The following UGT1A6 variants were observed in gnomAD, a reference collection of about 807,000 sequenced individuals.
UGT1A6 encodes the protein UDP glucuronosyltransferase family 1 member A6.
A neutral mutation model predicts 44.4 loss-of-function variants in UGT1A6; 32 were observed. The observed-to-expected ratio is 0.72, with a 90% confidence interval of 0.54 to 0.97. The LOEUF (loss-of-function observed/expected upper bound fraction) is 0.97. Among genes scored for constraint, UGT1A6 ranks in the 50% least tolerant of loss-of-function variants. The pLI, the probability that UGT1A6 is intolerant of heterozygous loss-of-function variation, is 0.00. For missense variants in UGT1A6, 685 were observed against 661.9 expected (o/e 1.03, Z -0.38); for synonymous variants, 238 against 248.5 (o/e 0.96, Z 0.40).
At chr2:233,734,961 G>T (rs2078591485) in intron 1 of UGT1A6, among the ~76,000 whole-genome samples, 1 of 152,202 alleles carries the variant, frequency 6.6e-6, no homozygotes, top group South Asian at 2.1e-4. Flanking sequence ...GAATAAGTGT[G>T]ATGTGGTGCT....
chr2:233,754,256 G>T (rs1695431509), intron 1 of UGT1A6: 1 of 171,288 alleles, frequency 5.8e-6, no homozygotes, highest in Admixed American at 5.6e-5. Flanking sequence ...AACGGAAAAA[G>T]GTAAGGCTCA....
chr2:233,705,103 G>A (rs1056170321), intron 1 of UGT1A6, among the ~76,000 whole-genome samples: 8 of 150,714 alleles, frequency 5.3e-5, no homozygotes, highest in Non-Finnish European at 1.2e-4. Flanking sequence ...GCCATTGCAC[G>A]CCAGCCTGGG....
At chr2:233,712,938 T>A (rs985876029) in intron 1 of UGT1A6, 1 of 1,612,346 alleles carries the variant, frequency 6.2e-7, no homozygotes. Context: ...AAGGAAACAA[T>A]TCTAGGAGGC....
At chr2:233,754,955 G>T in intron 1 of UGT1A6, 1 of 1,314,366 alleles carries the variant, frequency 7.6e-7, no homozygotes, top group Non-Finnish European at 1.0e-6. Context: ...GGTCCCGGCC[G>T]CCAAAGAACT....
chr2:233,716,223 G>A (rs907028854), intron 1 of UGT1A6, among the ~76,000 whole-genome samples: 4 of 152,088 alleles, frequency 2.6e-5, no homozygotes, highest in African/African-American at 9.7e-5. Flanking sequence ...AAGAGCCCTT[G>A]TGATTACATT....
chr2:233,724,277 C>A (rs1162056701), intron 1 of UGT1A6, among the ~76,000 whole-genome samples: 1 of 115,790 alleles, frequency 8.6e-6, no homozygotes, highest in African/African-American at 3.3e-5. Context: ...GGCGGCTGGC[C>A]GGGCGGGGGG....
intron 1 of UGT1A6, among the ~76,000 whole-genome samples, chr2:233,718,425 G>A (rs963239673): frequency 6.6e-6 from 1 of 152,218 alleles, no homozygotes; most frequent in African/African-American, 2.4e-5. Context: ...GAGAACATGT[G>A]GTTGGGGACT....
chr2:233,722,619 T>G (rs1335321752), intron 1 of UGT1A6, among the ~76,000 whole-genome samples: 2 of 152,244 alleles, frequency 1.3e-5, no homozygotes. Context: ...TGATTTTTCT[T>G]AATGAAGCAT....
At chr2:233,742,031 C>T (rs1309709104) in intron 1 of UGT1A6, 1 of 151,878 alleles carries the variant, frequency 6.6e-6, no homozygotes, top group African/African-American at 2.4e-5. Context: ...TTTGATATGT[C>T]CCAAGCATAG....
At chr2:233,752,001 G>A (rs960464465) in intron 1 of UGT1A6, among the ~76,000 whole-genome samples, 26 of 152,178 alleles carry the variant, frequency 1.7e-4, no homozygotes, top group Admixed American at 1.3e-3. Flanking sequence ...TGAGAAAGTT[G>A]ATGAGAAAGT....
chr2:233,719,487 A>G lies in UGT1A6; in HGVS notation c.861+25622A>G, dbSNP rs138822211. ...GCTCTACCCTCTGGCCCTGTCCTAC[A>G]TTTGCCATACTTTTTCTGCCCCTTA... On this transcript the variant is annotated intron_variant, in intron 1 of 4. Transcript: ENST00000305139. 1.2e-5 allele frequency: 20 copies of G among 1,613,508 alleles called. No individual in the cohort carries two copies. In the African/African-American group the frequency reaches 2.7e-4, roughly 22 times the overall value.
At chr2:233,695,415 C>T (rs1344704193) in intron 1 of UGT1A6, among the ~76,000 whole-genome samples, 5 of 144,208 alleles carry the variant, frequency 3.5e-5, no homozygotes, top group African/African-American at 7.6e-5. Context: ...TGAGCTACCG[C>T]GCCCGGCCTT....
At chr2:233,737,822 A>G (rs1690601410) in intron 1 of UGT1A6, among the ~76,000 whole-genome samples, 1 of 152,126 alleles carries the variant, frequency 6.6e-6, no homozygotes, top group African/African-American at 2.4e-5. Flanking sequence ...GGAGCAGAAC[A>G]AATTGGGAAC....
In UGT1A6 at chr2:233,703,925, C is replaced by G. The variant is rs576814000; in HGVS notation, c.861+10060C>G. Among the ~76,000 whole-genome samples, 290 of 151,880 alleles carry G rather than the reference C, an allele frequency of 1.9e-3. 2 individuals carry two copies. Among genetic ancestry groups the G allele is most frequent in the African/African-American group, 6.7e-3 (277 of 41,416 alleles). ...TTTTTTTTTGAGACAAAATCTCATT[C>G]TGTTACCCAGACTGGAGTGCAGTGG... On this transcript the variant is annotated intron_variant, in intron 1 of 4. Coordinates refer to ENST00000305139, the MANE Select transcript of UGT1A6 (RefSeq NM_001072.4).
chr2:233,757,203 C>G (rs1377755692), intron 1 of UGT1A6, among the ~76,000 whole-genome samples: 1 of 149,926 alleles, frequency 6.7e-6, no homozygotes, highest in Non-Finnish European at 1.5e-5. Context: ...TTTTCTGTGC[C>G]CAGGAAGCTG....
rs1338074257 is a variant in UGT1A6 at position 233,772,677 on chromosome 2, A to G, written c.*118A>G. On this transcript the variant is annotated 3_prime_UTR_variant, in exon 5 of 5. Transcript: ENST00000305139. ...ATTAAGGAAATACTTTGCATAAATTAATCAGCCCCAGAGTGCTTTAAAAAA... is the reference window on the plus strand; with the variant it reads ...ATTAAGGAAATACTTTGCATAAATTGATCAGCCCCAGAGTGCTTTAAAAAA... 14 of 1,531,978 alleles carry G rather than the reference A, an allele frequency of 9.1e-6. No homozygotes were observed. The highest frequency in any genetic ancestry group is 1.1e-5 in the Non-Finnish European group (13 of 1,142,190). 94.9% of individuals were successfully genotyped at this position (1,531,978 alleles called of 1,614,324 possible).
intron 1 of UGT1A6, chr2:233,747,259 G>A: frequency 6.2e-7 from 1 of 1,600,500 alleles, no homozygotes; most frequent in South Asian, 1.1e-5. Context: ...GGCCACAGGA[G>A]TGCTACTCCT....
chr2:233,768,597 T>C (rs1188549543), intron 4 of UGT1A6, among the ~76,000 whole-genome samples, 158 bp downstream of exon 4: 1 of 135,710 alleles, frequency 7.4e-6, no homozygotes, highest in Non-Finnish European at 1.6e-5. Context: ...TTTTTTTTTT[T>C]TTTTTTTGAG....
intron 1 of UGT1A6, among the ~76,000 whole-genome samples, chr2:233,726,661 A>G (rs2077549730): frequency 1.3e-5 from 2 of 152,200 alleles, no homozygotes; most frequent in Admixed American, 6.5e-5. Flanking sequence ...TAATTTAATC[A>G]TATCTGTGAA....
Sources: gnomAD v4.1 joint callset for allele counts (sites outside exome capture counted in the v4.1 genomes callset) on GRCh38, gnomAD v4.1.1 for gene constraint, MANE v1.5 for transcripts, NCBI Gene and HGNC (gene_info 2026-07-23, HGNC 2026-07-21) for gene names.